The following GIPC2 variants were observed in gnomAD, a reference collection of about 807,000 sequenced individuals.
GIPC2 encodes PDZ domain-containing protein GIPC2.
In GIPC2, 30 loss-of-function variants were observed where a neutral mutation model predicts 30.6. That is an observed-to-expected ratio of 0.98 (90% CI 0.73 to 1.33). The LOEUF (loss-of-function observed/expected upper bound fraction) is 1.33. GIPC2 is among the 40% of genes most tolerant of loss of function. The pLI is 0.00. For missense variants in GIPC2, 414 were observed against 390.3 expected (o/e 1.06, Z -0.51); for synonymous variants, 167 against 150.0 (o/e 1.11, Z -0.83).
At chr1:78,127,032 A>G (rs1181006281) in intron 5 of GIPC2, among the ~76,000 whole-genome samples, 1 of 152,220 alleles carries the variant, frequency 6.6e-6, no homozygotes, top group Non-Finnish European at 1.5e-5. Context: ...CATGCTGGGT[A>G]GAGAAAAGAG....
chr1:78,104,030 A>G (rs1172032679), intron 3 of GIPC2, among the ~76,000 whole-genome samples: 1 of 152,156 alleles, frequency 6.6e-6, no homozygotes, highest in Non-Finnish European at 1.5e-5. Flanking sequence ...GCACACACTG[A>G]CTTGGACGTA....
intron 1 of GIPC2, among the ~76,000 whole-genome samples, chr1:78,054,437 G>T (rs187649817): frequency 1.8e-4 from 28 of 152,316 alleles, no homozygotes; most frequent in Non-Finnish European, 3.4e-4. Context: ...CCTTGAAGTT[G>T]TATGGATTTT....
intron 1 of GIPC2, among the ~76,000 whole-genome samples, chr1:78,071,072 A>G (rs1661608876): frequency 6.6e-6 from 1 of 152,142 alleles, no homozygotes; most frequent in Non-Finnish European, 1.5e-5. Context: ...AGCCTGTGAA[A>G]CTTGTTTCTA....
chr1:78,081,634 A>G (rs1036768951), intron 2 of GIPC2, among the ~76,000 whole-genome samples: 2 of 152,190 alleles, frequency 1.3e-5, no homozygotes, highest in African/African-American at 4.8e-5. Context: ...AAAGAGAGCG[A>G]TATAGAGCTT....
At chr1:78,072,404 T>G (rs1005370129) in intron 1 of GIPC2, among the ~76,000 whole-genome samples, 1 of 152,172 alleles carries the variant, frequency 6.6e-6, no homozygotes, top group Non-Finnish European at 1.5e-5. Context: ...AGAAGTTCCT[T>G]GATATGACAC....
At chr1:78,053,589 T>A (rs1476782752) in intron 1 of GIPC2, among the ~76,000 whole-genome samples, 1 of 151,972 alleles carries the variant, frequency 6.6e-6, no homozygotes, top group Non-Finnish European at 1.5e-5. Context: ...GCAGCCTGAA[T>A]TTGGTTTCCC....
intron 3 of GIPC2, among the ~76,000 whole-genome samples, chr1:78,106,606 C>T (rs374901594): frequency 6.6e-6 from 1 of 152,146 alleles, no homozygotes; most frequent in Non-Finnish European, 1.5e-5. Flanking sequence ...TACAACACAA[C>T]GTGCTGTAAT....
chr1:78,087,181 G>T (rs1467148445), intron 2 of GIPC2, among the ~76,000 whole-genome samples: 2 of 152,144 alleles, frequency 1.3e-5, no homozygotes, highest in Non-Finnish European at 2.9e-5. Flanking sequence ...TCAATTTGCA[G>T]ATTCAATGCT....
intron 3 of GIPC2, among the ~76,000 whole-genome samples, chr1:78,111,638 C>T (rs918078684): frequency 1.3e-5 from 2 of 152,182 alleles, no homozygotes. Context: ...TGGAAGGGCA[C>T]ATTTCCCTCT....
intron 3 of GIPC2, among the ~76,000 whole-genome samples, chr1:78,097,261 T>C (rs905647607): frequency 2.0e-5 from 3 of 152,194 alleles, no homozygotes; most frequent in African/African-American, 7.2e-5. Context: ...TCAAATTTCA[T>C]AGTCCTTCAT....
At chr1:78,045,776 C>G (rs1661054832), upstream of GIPC2, 1 of 1,122,078 alleles carries the variant, frequency 8.9e-7, no homozygotes, top group South Asian at 3.7e-5. Context: ...GCGTATTGTT[C>G]TGTAGCGTCG....
At chr1:78,049,407 C>T (rs549183482) in intron 1 of GIPC2, among the ~76,000 whole-genome samples, 13 of 152,242 alleles carry the variant, frequency 8.5e-5, no homozygotes, top group South Asian at 4.1e-4. Flanking sequence ...GTGATCTGCC[C>T]GCCTCGGCCT....
At position 78,118,247 on chromosome 1, in the gene GIPC2, CAA is replaced by C. The variant is rs71810685; in HGVS notation, c.608-1124_608-1123del. On this transcript the variant is annotated intron_variant, in intron 3 of 5. Coordinates refer to ENST00000370759, the MANE Select transcript of GIPC2 (RefSeq NM_017655.6). ...CTGGCCTGAGTCTCCAGTTTCATTG[CAA>C]AAAAAAAAAAAAAAAAAAAAAGTGG... is the stretch of plus-strand genomic sequence containing the variant. Among the ~76,000 whole-genome samples, 232 of 34,210 alleles carry C rather than the reference CAA, an allele frequency of 6.8e-3. 17 individuals carry two copies. The highest frequency in any genetic ancestry group is 0.025 in the African/African-American group (226 of 9,000). The allele number at this position is 34,210 out of a possible 152,430, so 22.4% of individuals were successfully genotyped here.
intron 5 of GIPC2, among the ~76,000 whole-genome samples, chr1:78,128,448 C>A (rs1662824711): frequency 6.6e-6 from 1 of 152,154 alleles, no homozygotes; most frequent in African/African-American, 2.4e-5. Flanking sequence ...TAAAGACAGA[C>A]ATACACATAA....
At chr1:78,120,406 G>A (rs910750294) in intron 4 of GIPC2, among the ~76,000 whole-genome samples, 2 of 152,038 alleles carry the variant, frequency 1.3e-5, no homozygotes, top group African/African-American at 4.8e-5. Flanking sequence ...CCATCATTAG[G>A]TTTCTGCCCA....
chr1:78,124,399 T>TA (rs1263765904), intron 4 of GIPC2, among the ~76,000 whole-genome samples: 1 of 152,240 alleles, frequency 6.6e-6, no homozygotes, highest in African/African-American at 2.4e-5. Flanking sequence ...AATATGGTAA[T>TA]ACATGTGTAA....
intron 4 of GIPC2, among the ~76,000 whole-genome samples, chr1:78,123,616 G>C (rs1662726129): frequency 6.6e-6 from 1 of 152,178 alleles, no homozygotes; most frequent in African/African-American, 2.4e-5. Flanking sequence ...CAAAGGCAGG[G>C]AGACAAAATA....
chr1:78,045,567 A>T, upstream of GIPC2: 1 of 985,464 alleles, frequency 1.0e-6, no homozygotes, highest in Non-Finnish European at 1.2e-6. Context: ...ACCAAGCTCA[A>T]GGTTATGTGA....
intron 3 of GIPC2, among the ~76,000 whole-genome samples, chr1:78,098,020 G>A (rs2100384228): frequency 6.6e-6 from 1 of 152,264 alleles, no homozygotes; most frequent in East Asian, 1.9e-4. Flanking sequence ...GAAAAAAGTA[G>A]CAGATGCCCA....
Sources: gnomAD v4.1 joint callset for allele counts (sites outside exome capture counted in the v4.1 genomes callset) on GRCh38, gnomAD v4.1.1 for gene constraint, MANE v1.5 for transcripts, NCBI Gene and HGNC (gene_info 2026-07-23, HGNC 2026-07-21) for gene names.